Variants in VSIG4 observed in about 807,000 individuals in gnomAD.
VSIG4 encodes the protein V-set and immunoglobulin domain-containing protein 4.
Under a neutral mutation model 23.4 loss-of-function variants are expected in VSIG4, and 34 were observed. The ratio of observed to expected loss-of-function variants is 1.45; its 90% confidence interval spans 1.10 to 1.93. The LOEUF (loss-of-function observed/expected upper bound fraction) is 1.93, where lower values mean the gene tolerates loss of function less well. Among genes scored for constraint, VSIG4 ranks in the 30% most tolerant of loss-of-function variants. The pLI, the probability that VSIG4 is intolerant of heterozygous loss-of-function variation, is 0.00. For synonymous variants in VSIG4, 169 were observed against 120.3 expected (o/e 1.41, Z -2.65); for missense variants, 433 against 310.8 (o/e 1.39, Z -2.96).
chrX:66,022,188 A>T lies in VSIG4; in HGVS notation c.*75T>A. 1 of 1,210,760 alleles carries T rather than the reference A, an allele frequency of 8.3e-7. No individual in the cohort carries two copies. ...TGGGCTATCCAGGAAGAGAGGTAGC[A>T]GGGAAGAAGGCCATGCAGAAGGCAA... On this transcript the variant is annotated 3_prime_UTR_variant, in exon 8 of 8. Coordinates refer to ENST00000374737, the MANE Select transcript of VSIG4 (RefSeq NM_007268.3).
chrX:66,034,346 C>T (rs2085508163), intron 1 of VSIG4, among the ~76,000 whole-genome samples: 1 of 112,037 alleles, frequency 8.9e-6, no homozygotes, highest in African/African-American at 3.2e-5. Context: ...AGAAAGGGCC[C>T]TCTGCCCTGT....
chrX:66,031,012 G>A (rs773355019), intron 3 of VSIG4, among the ~76,000 whole-genome samples: 1 of 111,020 alleles, frequency 9.0e-6, no homozygotes, highest in Non-Finnish European at 1.9e-5. Context: ...GGACAGGGAG[G>A]CAGGTAGAGG....
At chrX:66,022,558 C>G in intron 7 of VSIG4, 58 bp from the exon 8 acceptor site, 1 of 1,186,268 alleles carries the variant, frequency 8.4e-7, no homozygotes, top group Non-Finnish European at 1.1e-6. Context: ...GTCCTGGTTT[C>G]CCACCCTTCT....
intron 1 of VSIG4, among the ~76,000 whole-genome samples, chrX:66,036,673 TA>T (rs1362664898): frequency 3.0e-5 from 2 of 66,176 alleles, no homozygotes; most frequent in Non-Finnish European, 5.2e-5. Flanking sequence ...TATAATATAA[TA>T]TATATAATAC....
At chrX:66,034,454 C>G (rs1481746216) in intron 1 of VSIG4, among the ~76,000 whole-genome samples, 1 of 111,720 alleles carries the variant, frequency 9.0e-6, no homozygotes, top group African/African-American at 3.3e-5. Flanking sequence ...AGGGTGGAAC[C>G]AAGTGTGAGG....
chrX:66,030,920 G>C (rs924501644), intron 3 of VSIG4, among the ~76,000 whole-genome samples: 1 of 110,996 alleles, frequency 9.0e-6, no homozygotes, highest in African/African-American at 3.3e-5. Context: ...ACAGTGCAGA[G>C]TGAGGTGGAA....
At chrX:66,032,817 A>G in intron 2 of VSIG4, 68 bp from the exon 3 acceptor site, 10 of 1,105,560 alleles carry the variant, frequency 9.0e-6, no homozygotes, top group South Asian at 2.1e-5. Context: ...AGGCTGAATC[A>G]TTCTTGTTGG....
intron 1 of VSIG4, among the ~76,000 whole-genome samples, chrX:66,038,084 T>C (rs1040566437): frequency 2.2e-4 from 25 of 111,475 alleles, no homozygotes; most frequent in Non-Finnish European, 4.0e-4. Flanking sequence ...ATAATAGATG[T>C]TTATAAAATG....
intron 6 of VSIG4, 133 bp downstream of exon 6, chrX:66,024,892 C>A: frequency 2.3e-6 from 1 of 427,623 alleles, no homozygotes; most frequent in East Asian, 4.1e-5. Context: ...CCCTGCACCC[C>A]AACCTTAACT....
At chrX:66,024,954 G>T (rs2085372877) in intron 6 of VSIG4, 71 bp downstream of exon 6, 2 of 824,539 alleles carry the variant, frequency 2.4e-6, no homozygotes, top group African/African-American at 2.1e-5. Flanking sequence ...GCCTGATACA[G>T]AATTTAGGCT....
chrX:66,023,196 C>T (rs1387260222), intron 6 of VSIG4, among the ~76,000 whole-genome samples: 1 of 110,086 alleles, frequency 9.1e-6, no homozygotes, highest in Admixed American at 9.6e-5. Flanking sequence ...CCCAAGGATC[C>T]CCAGAGAGTC....
Position 66,032,554 on chromosome X carries a change from A to C in VSIG4, c.608T>G (p.Ile203Arg), listed in dbSNP as rs2085476123. ...LSTLLFKPAVIADSGSYFCTA... is the reference protein window; with the variant it reads ...LSTLLFKPAVRADSGSYFCTA... ...GCAGAAATAGGAGCCTGAGTCGGCT[A>C]TCACCGCAGGCTTGAAGAGTAAGGT... is the stretch of plus-strand genomic sequence containing the variant. The change falls in exon 3 of 8, where the codon ATA becomes AGA. Residue 203 changes from isoleucine (I) to arginine (R), a missense_variant. Ile to Arg is a moderately conservative substitution (Grantham distance 97). Coordinates refer to ENST00000374737, the MANE Select transcript of VSIG4 (RefSeq NM_007268.3). 1 of 1,210,073 alleles carries C rather than the reference A, an allele frequency of 8.3e-7. No individual in the cohort carries two copies. Among genetic ancestry groups the C allele is most frequent in the Non-Finnish European group, 1.1e-6 (1 of 895,106 alleles).
rs1350847708 is a variant in VSIG4 at position 66,032,594 on chromosome X, C to T, written c.568G>A (p.Val190Ile). The T allele has an allele frequency of 8.3e-7, 1 of 1,211,564 alleles. No homozygotes were observed. The highest frequency in any genetic ancestry group is 3.0e-5 in the East Asian group (1 of 33,835). The change falls in exon 3 of 8, where the codon GTA becomes ATA. Residue 190 changes from valine (V) to isoleucine (I), a missense_variant. Val to Ile is a conservative substitution (Grantham distance 29). Transcript: ENST00000374737. Reference sequence around the variant, plus strand: ...AAGAGTAAGGTACTTAGGGTTGCTACTTTGATGGGTTCCTGGTTATTAGTC... The same window carrying T: ...AAGAGTAAGGTACTTAGGGTTGCTATTTTGATGGGTTCCTGGTTATTAGTC... ...QQTNNQEPIK[V>I]ATLSTLLFKP...
chrX:66,039,931 C>G lies in VSIG4; in HGVS notation c.55+13G>C, dbSNP rs1394196742. On this transcript the variant is annotated intron_variant, in intron 1 of 7. Transcript: ENST00000374737. ...AGCCAGCAATGGCAGCCAGGCCCCC[C>G]TTTCTGCCTTACCATAAGTGTCCAC... 1.6e-5 allele frequency: 19 copies of G among 1,209,348 alleles called. No homozygotes were observed. The highest frequency in any genetic ancestry group is 2.1e-5 in the Non-Finnish European group (19 of 894,698).
chrX:66,029,726 C>A (rs752099080), intron 3 of VSIG4, among the ~76,000 whole-genome samples: 2 of 110,890 alleles, frequency 1.8e-5, no homozygotes, highest in African/African-American at 3.3e-5. Context: ...TTTGACGATG[C>A]GAGGTAAAAG....
At position 66,026,933 on chromosome X, in the gene VSIG4, T is replaced by A. The variant is rs143220267; in HGVS notation, c.835+516A>T. On this transcript the variant is annotated intron_variant, in intron 5 of 7. Coordinates refer to ENST00000374737, the MANE Select transcript of VSIG4 (RefSeq NM_007268.3). The stretch of plus-strand genomic sequence containing the variant: ...TCTATTATTTCAACAGTCAATGTAG[T>A]CATGTGAAGGCATACCAACTGACTA... 1.2e-4 allele frequency among the ~76,000 whole-genome samples: 13 copies of A among 111,538 alleles called. No individual in the cohort carries two copies. The East Asian group carries it at 3.7e-3, about 31-fold the overall frequency.
chrX:66,032,338 G>T, intron 3 of VSIG4, 130 bp downstream of exon 3: 5 of 857,520 alleles, frequency 5.8e-6, no homozygotes, highest in Admixed American at 3.7e-5. Context: ...TTTTTTCTTT[G>T]TGATTGTACA....
chrX:66,029,593 T>A (rs181593009), intron 3 of VSIG4, among the ~76,000 whole-genome samples: 7,699 of 111,203 alleles, frequency 0.069, 233 homozygotes, highest in Middle Eastern at 0.11. Flanking sequence ...ATTTAGAAGA[T>A]GATTGAAATT....
At chrX:66,022,783 G>C in intron 7 of VSIG4, 58 bp downstream of exon 7, 3 of 1,210,782 alleles carry the variant, frequency 2.5e-6, no homozygotes, top group Non-Finnish European at 3.4e-6. Context: ...TTTCCTGCCA[G>C]TAATCAAAAT....
Sources: allele counts gnomAD v4.1 joint callset (sites outside exome capture counted in the v4.1 genomes callset), GRCh38; gene constraint gnomAD v4.1.1; transcripts MANE v1.5; gene names NCBI Gene and HGNC (gene_info 2026-07-23, HGNC 2026-07-21).